C9orf85: variants seen among roughly 807,000 people sequenced by gnomAD.
The protein encoded by C9orf85 is chromosome 9 open reading frame 85, also known as uncharacterized protein C9orf85.
Under a neutral mutation model 14.9 loss-of-function variants are expected in C9orf85, and 16 were observed. That is an observed-to-expected ratio of 1.08 (90% CI 0.73 to 1.63). The LOEUF is 1.63. Among genes scored for constraint, C9orf85 ranks in the 40% most tolerant of loss-of-function variants. The pLI is 0.00. For missense variants in C9orf85, 172 were observed against 186.1 expected, an observed-to-expected ratio of 0.92 and a Z score of 0.44; for synonymous variants, 45 against 56.8, an observed-to-expected ratio of 0.79 and a Z score of 0.93.
chr9:71,943,819 G>A (rs1262229335), intron 1 of C9orf85, among the ~76,000 whole-genome samples: 1 of 151,710 alleles, frequency 6.6e-6, no homozygotes, highest in Non-Finnish European at 1.5e-5. Context: ...GGGATTACAG[G>A]TGTGAGCCAC....
At chr9:71,981,431 T>C (rs1823094106) in intron 3 of C9orf85, among the ~76,000 whole-genome samples, 1 of 152,204 alleles carries the variant, frequency 6.6e-6, no homozygotes, top group African/African-American at 2.4e-5. Context: ...CATCATGGAA[T>C]TGAACTTAAA....
At chr9:71,937,834 T>C (rs1368477557) in intron 1 of C9orf85, among the ~76,000 whole-genome samples, 1 of 152,176 alleles carries the variant, frequency 6.6e-6, no homozygotes, top group Non-Finnish European at 1.5e-5. Context: ...TCAGGTTTTT[T>C]AGGGTAATAA....
chr9:71,948,824 C>A lies in C9orf85; in HGVS notation c.209+1712C>A, dbSNP rs970731880. Among the ~76,000 whole-genome samples, 8 of 149,670 alleles carry A rather than the reference C, an allele frequency of 5.3e-5. No homozygotes were observed. In the East Asian group the frequency reaches 1.2e-3, roughly 22 times the overall value. ...CAGGCGTGAGCCACGCCCCCCCCCC[C>A]CCCTTTAAATAGTTTTACCAGCTTC... On this transcript the variant is annotated intron_variant, in intron 2 of 3. Transcript: ENST00000334731.
intron 2 of C9orf85, among the ~76,000 whole-genome samples, chr9:71,963,403 C>T (rs1564097928): frequency 6.6e-6 from 1 of 152,132 alleles, no homozygotes; most frequent in Non-Finnish European, 1.5e-5. Flanking sequence ...CTCGCTCGCT[C>T]TCGGTGCCTC....
At chr9:71,923,269 T>C (rs1338441748) in intron 1 of C9orf85, among the ~76,000 whole-genome samples, 1 of 152,170 alleles carries the variant, frequency 6.6e-6, no homozygotes, top group Non-Finnish European at 1.5e-5. Context: ...CTTTTCTATT[T>C]TATTTTTATT....
At chr9:71,968,953 T>G (rs1822779519) in intron 2 of C9orf85, among the ~76,000 whole-genome samples, 2 of 149,530 alleles carry the variant, frequency 1.3e-5, no homozygotes, top group Non-Finnish European at 3.0e-5. Flanking sequence ...ATGGAATAGG[T>G]GACTAAAGGT....
In C9orf85 at chr9:71,968,421, A is replaced by T. The variant is rs202122308; in HGVS notation, c.210-3084A>T. On this transcript the variant is annotated intron_variant, in intron 2 of 3. Transcript: ENST00000334731. ...GCCATTTGGGCCTGGAGTTTTCCTTAAAAAAAAAAAAAAATTAGGAGAGTT... is the reference window on the plus strand; with the variant it reads ...GCCATTTGGGCCTGGAGTTTTCCTTTAAAAAAAAAAAAAATTAGGAGAGTT... 1.7e-4 allele frequency among the ~76,000 whole-genome samples: 23 copies of T among 133,060 alleles called. No individual in the cohort carries two copies. In the East Asian group the frequency reaches 3.5e-3, roughly 20 times the overall value. 87.3% of individuals were successfully genotyped at this position (133,060 alleles called of 152,430 possible).
intron 2 of C9orf85, among the ~76,000 whole-genome samples, chr9:71,953,969 G>A (rs1211606835): frequency 1.1e-4 from 17 of 152,034 alleles, no homozygotes; most frequent in African/African-American, 4.8e-5. Flanking sequence ...GCATGCTGAC[G>A]CGCACCTGTG....
chr9:71,964,184 C>A (rs539702834), intron 2 of C9orf85, among the ~76,000 whole-genome samples: 1 of 152,042 alleles, frequency 6.6e-6, no homozygotes, highest in Non-Finnish European at 1.5e-5. Flanking sequence ...CTGGTGGGGA[C>A]GTGGAGAACC....
intron 1 of C9orf85, among the ~76,000 whole-genome samples, chr9:71,935,317 C>T (rs1340086744): frequency 1.3e-5 from 2 of 152,110 alleles, no homozygotes; most frequent in African/African-American, 4.8e-5. Context: ...CATCCATGTT[C>T]ATAGCAGCAT....
At chr9:71,966,402 A>C (rs1275131316) in intron 2 of C9orf85, among the ~76,000 whole-genome samples, 1 of 152,220 alleles carries the variant, frequency 6.6e-6, no homozygotes, top group Non-Finnish European at 1.5e-5. Context: ...TTTCTTAGCA[A>C]TGGACTCATA....
chr9:71,927,722 T>G (rs1212478664), intron 1 of C9orf85, among the ~76,000 whole-genome samples: 1 of 152,186 alleles, frequency 6.6e-6, no homozygotes, highest in African/African-American at 2.4e-5. Flanking sequence ...ATAAAAAGCT[T>G]AAAATTAAAA....
intron 1 of C9orf85, among the ~76,000 whole-genome samples, chr9:71,938,596 T>TG (rs1228502676): frequency 7.9e-5 from 12 of 152,066 alleles, no homozygotes; most frequent in African/African-American, 2.7e-4. Context: ...ACATGTAAAC[T>TG]CTTTTTAGAG....
At position 71,972,817 on chromosome 9, in the gene C9orf85, C is replaced by G. The variant is rs1465436750; in HGVS notation, c.449C>G (p.Thr150Arg). ...GATTTTGATATTGATTTAGAAGACACAGGAGGAGACCATCAAATGAATTAA... is the reference window on the plus strand; with the variant it reads ...GATTTTGATATTGATTTAGAAGACAGAGGAGGAGACCATCAAATGAATTAA... ...DLDFDIDLEDTGGDHQMN is the reference protein window; with the variant it reads ...DLDFDIDLEDRGGDHQMN Residue 150 changes from threonine to arginine, a missense_variant, in exon 4 of 4, where the codon ACA (threonine) becomes AGA (arginine). Coordinates refer to ENST00000334731, the MANE Select transcript of C9orf85 (RefSeq NM_182505.5). 1 of 1,608,666 alleles carries G rather than the reference C, an allele frequency of 6.2e-7. No individual in the cohort carries two copies. The highest frequency in any genetic ancestry group is 8.5e-7 in the Non-Finnish European group (1 of 1,178,138).
chr9:71,970,125 A>G (rs934154786), intron 2 of C9orf85, among the ~76,000 whole-genome samples: 1 of 151,810 alleles, frequency 6.6e-6, no homozygotes, highest in Non-Finnish European at 1.5e-5. Context: ...TTTTTGTATT[A>G]TTAGTAGGGA....
chr9:71,964,856 C>A (rs918060730), intron 2 of C9orf85, among the ~76,000 whole-genome samples: 1 of 152,160 alleles, frequency 6.6e-6, no homozygotes, highest in African/African-American at 2.4e-5. Flanking sequence ...CGGAAGAGAA[C>A]TGTGGAACCC....
downstream of C9orf85, chr9:71,973,598 C>T (rs1386122932): frequency 6.6e-6 from 1 of 152,022 alleles, no homozygotes; most frequent in Non-Finnish European, 1.5e-5. Flanking sequence ...AATGTACATA[C>T]AGAAAAAGTG....
At chr9:71,935,464 A>C (rs897783085) in intron 1 of C9orf85, among the ~76,000 whole-genome samples, 1 of 152,114 alleles carries the variant, frequency 6.6e-6, no homozygotes, top group East Asian at 1.9e-4. Flanking sequence ...TACAGCATCA[A>C]TGAACCTTAA....
At chr9:71,977,927 T>G (rs189615776), downstream of C9orf85, among the ~76,000 whole-genome samples, 683 of 152,252 alleles carry the variant, frequency 4.5e-3, 6 homozygotes, top group African/African-American at 0.016. Flanking sequence ...AATCATACCT[T>G]TCCAAATCTC....
Sources: allele counts gnomAD v4.1 joint callset (sites outside exome capture counted in the v4.1 genomes callset), GRCh38; gene constraint gnomAD v4.1.1; transcripts MANE v1.5; gene names NCBI Gene and HGNC (gene_info 2026-07-23, HGNC 2026-07-21).